Variants in LOXHD1 observed in about 807,000 individuals in gnomAD.
LOXHD1 encodes lipoxygenase homology PLAT domains 1, also known as lipoxygenase homology domain-containing protein 1.
In LOXHD1, 205 loss-of-function variants were observed where a neutral mutation model predicts 248.2. That is an observed-to-expected ratio of 0.83 (90% CI 0.74 to 0.93). The LOEUF is 0.93. Ranked by LOEUF, LOXHD1 falls within the 40% of genes least tolerant of loss-of-function variation. LOXHD1 has a pLI of 0.00. For synonymous variants in LOXHD1, 1,113 were observed against 1,162.8 expected (o/e 0.96, Z 0.87); for missense variants, 2,930 against 2,971.6 (o/e 0.99, Z 0.33).
At position 46,524,514 on chromosome 18, in the gene LOXHD1, T is replaced by C. The variant is rs1229836106; in HGVS notation, c.4828A>G (p.Ile1610Val). The change falls in exon 31 of 41, where the codon ATC becomes GTC. Residue 1610 changes from isoleucine to valine, a missense_variant. Coordinates refer to ENST00000642948, the MANE Select transcript of LOXHD1 (RefSeq NM_001384474.1). ...GCCATGGGCCCGGTCACTGTGCTGA[T>C]GTCGACATCGGCCATCTTGGAGCTC... is the stretch of plus-strand genomic sequence containing the variant. ...ALSSKMADVD[I>V]STVTGPMADY... 6 of 1,551,606 alleles carry C rather than the reference T, an allele frequency of 3.9e-6. No individual in the cohort carries two copies. Among genetic ancestry groups the C allele is most frequent in the Non-Finnish European group, 5.2e-6 (6 of 1,147,008 alleles).
intron 17 of LOXHD1, among the ~76,000 whole-genome samples, chr18:46,565,965 ACTC>A (rs1180631373): frequency 1.3e-5 from 2 of 152,048 alleles, no homozygotes; most frequent in Non-Finnish European, 2.9e-5. Context: ...TAGGTCTCAA[ACTC>A]CTATACAGGG....
intron 2 of LOXHD1, among the ~76,000 whole-genome samples, chr18:46,644,184 T>C (rs1409407234): frequency 2.0e-5 from 3 of 152,228 alleles, no homozygotes; most frequent in Non-Finnish European, 2.9e-5. Flanking sequence ...CTTTGGAAGC[T>C]GTTTGGGAAT....
chr18:46,634,043 C>T (rs1231364626), intron 4 of LOXHD1, among the ~76,000 whole-genome samples: 1 of 152,172 alleles, frequency 6.6e-6, no homozygotes, highest in Non-Finnish European at 1.5e-5. Flanking sequence ...ATGGTGGTTA[C>T]TCAAAATTAC....
chr18:46,563,084 G>A lies in LOXHD1; in HGVS notation c.2579C>T (p.Ala860Val), dbSNP rs201203391. ...LSSRSKVFER[A>V]SKDTFQLEAA... The stretch of plus-strand genomic sequence containing the variant: ...ACATACCTGGAATGTGTCCTTGGAC[G>A]CCCGTTCAAAAACTTTTGAGCGGCT... Residue 860 changes from alanine (A) to valine (V), a missense_variant, in exon 18 of 41, where the codon GCG becomes GTG. Coordinates refer to ENST00000642948, the MANE Select transcript of LOXHD1 (RefSeq NM_001384474.1). 119 of 1,543,546 alleles carry A rather than the reference G, an allele frequency of 7.7e-5. No homozygotes were observed. The African/African-American group carries it at 1.2e-3, about 15-fold the overall frequency.
At chr18:46,537,749 C>T (rs1205290128) in intron 26 of LOXHD1, among the ~76,000 whole-genome samples, 1 of 152,214 alleles carries the variant, frequency 6.6e-6, no homozygotes, top group Non-Finnish European at 1.5e-5. Flanking sequence ...AGCAGGAGAC[C>T]CTAGCCCATG....
chr18:46,581,000 G>A (rs990433965), intron 12 of LOXHD1, among the ~76,000 whole-genome samples: 1 of 152,158 alleles, frequency 6.6e-6, no homozygotes, highest in African/African-American at 2.4e-5. Flanking sequence ...TAAGAAGTGT[G>A]GCTTCCTTTT....
chr18:46,575,620 G>C (rs1280570516), intron 14 of LOXHD1, among the ~76,000 whole-genome samples: 1 of 152,182 alleles, frequency 6.6e-6, no homozygotes, highest in Non-Finnish European at 1.5e-5. Flanking sequence ...AACTCTGGAG[G>C]CTGCTGGGGT....
In LOXHD1 at chr18:46,620,699, T is replaced by C. The variant is rs187979356; in HGVS notation, c.512-2409A>G. Reference sequence around the variant, plus strand: ...TTGGTGGAGAGCCACCTGCCAGGGATGCTGCACAGAAAGTGCCATAGGTGA... The same window carrying C: ...TTGGTGGAGAGCCACCTGCCAGGGACGCTGCACAGAAAGTGCCATAGGTGA... On this transcript the variant is annotated intron_variant, in intron 4 of 40. Coordinates refer to ENST00000642948, the MANE Select transcript of LOXHD1 (RefSeq NM_001384474.1). 4.3e-3 allele frequency among the ~76,000 whole-genome samples: 648 copies of C among 152,298 alleles called. 5 individuals carry two copies. The highest frequency in any genetic ancestry group is 8.3e-3 in the Non-Finnish European group (563 of 68,022).
chr18:46,524,439 G>C (rs375964762), intron 31 of LOXHD1, 27 bp downstream of exon 31: 8 of 1,542,152 alleles, frequency 5.2e-6, no homozygotes, highest in Non-Finnish European at 7.0e-6. Context: ...CCTGGCCCCC[G>C]TCCAAAGAGC....
At position 46,533,213 on chromosome 18, in the gene LOXHD1, T is replaced by C. The variant is rs1407654556; in HGVS notation, c.4324A>G (p.Lys1442Glu). The C allele has an allele frequency of 6.4e-7, 1 of 1,551,762 alleles. No individual in the cohort carries two copies. Among genetic ancestry groups the C allele is most frequent in the African/African-American group, 1.4e-5 (1 of 73,178 alleles). Residue 1442 changes from lysine (K) to glutamate (E), a missense_variant, in exon 28 of 41, where the codon AAA (lysine) becomes GAA (glutamate). Lys to Glu is a moderately conservative substitution (Grantham distance 56). Transcript: ENST00000642948. ...PYDIFTEKYM[K>E]DGSLRQVYKE... ...TAGACTTGCCGTAAGGACCCATCTT[T>C]CATGTATTTCTCAGTGAAGATGTCA...
At chr18:46,534,283 T>C in intron 27 of LOXHD1, 52 bp downstream of exon 27, 2 of 1,367,946 alleles carry the variant, frequency 1.5e-6, no homozygotes, top group East Asian at 2.5e-5. Context: ...GCCTTGAACC[T>C]GCTCTGGAAA....
chr18:46,533,039 G>T, intron 28 of LOXHD1, 123 bp downstream of exon 28: 1 of 1,017,562 alleles, frequency 9.8e-7, no homozygotes, highest in Non-Finnish European at 1.4e-6. Context: ...TCTCTAGAGA[G>T]TGGAGGTAAC....
At chr18:46,543,516 C>T (rs1489080872) in intron 23 of LOXHD1, among the ~76,000 whole-genome samples, 1 of 152,030 alleles carries the variant, frequency 6.6e-6, no homozygotes, top group Non-Finnish European at 1.5e-5. Context: ...TTGCTGCACC[C>T]ATCAACCCAT....
intron 12 of LOXHD1, among the ~76,000 whole-genome samples, chr18:46,585,608 A>G (rs188976243): frequency 4.6e-5 from 7 of 152,304 alleles, no homozygotes; most frequent in Admixed American, 4.6e-4. Flanking sequence ...TAAGATGGCA[A>G]TACTCCCCAA....
rs765343198 is a variant in LOXHD1, at chr18:46,537,484, G to A, written c.4095+672C>T. Among the ~76,000 whole-genome samples the A allele has an allele frequency of 4.6e-5, 7 of 152,130 alleles. No homozygotes were observed. The East Asian group carries it at 7.7e-4, about 17-fold the overall frequency. On this transcript the variant is annotated intron_variant, in intron 26 of 40. Coordinates refer to ENST00000642948, the MANE Select transcript of LOXHD1 (RefSeq NM_001384474.1). ...GAGGACTGGGGTCCCCAACTTGACC[G>A]TAAGCCCCTCTCAGGCAGGATCTGA...
intron 12 of LOXHD1, among the ~76,000 whole-genome samples, chr18:46,583,686 A>G (rs1278441539): frequency 6.6e-6 from 1 of 152,190 alleles, no homozygotes; most frequent in Non-Finnish European, 1.5e-5. Flanking sequence ...AAAAAACAAA[A>G]GAAGTGTTGG....
At chr18:46,620,552 A>G (rs2038654141) in intron 4 of LOXHD1, among the ~76,000 whole-genome samples, 1 of 152,106 alleles carries the variant, frequency 6.6e-6, no homozygotes, top group Admixed American at 6.5e-5. Context: ...GCAGATTTTC[A>G]CTCACCAAAG....
At chr18:46,607,939 T>A (rs1479005739) in intron 6 of LOXHD1, among the ~76,000 whole-genome samples, 1 of 151,860 alleles carries the variant, frequency 6.6e-6, no homozygotes, top group Non-Finnish European at 1.5e-5. Context: ...ATAAATAAAT[T>A]AATTACAAAT....
chr18:46,564,122 G>A (rs920909057), intron 17 of LOXHD1, among the ~76,000 whole-genome samples: 5 of 151,196 alleles, frequency 3.3e-5, no homozygotes, highest in African/African-American at 7.3e-5. Context: ...GTGTGTGCAC[G>A]CACACACGCA....
Sources: allele counts gnomAD v4.1 joint callset (sites outside exome capture counted in the v4.1 genomes callset), GRCh38; gene constraint gnomAD v4.1.1; transcripts MANE v1.5; gene names NCBI Gene and HGNC (gene_info 2026-07-23, HGNC 2026-07-21).